Variants in PRKCE observed in about 807,000 individuals in gnomAD.
PRKCE encodes protein kinase C epsilon type.
A neutral mutation model predicts 85.4 loss-of-function variants in PRKCE; 16 were observed. The observed-to-expected ratio is 0.19, with a 90% CI of 0.13 to 0.28. The LOEUF is 0.28. PRKCE is among the 10% of genes least tolerant of loss of function. PRKCE has a pLI of 1.00. For missense variants in PRKCE, 573 were observed against 975.2 expected (o/e 0.59, Z 5.49); for synonymous variants, 388 against 371.5 (o/e 1.04, Z -0.51).
chr2:46,128,337 C>T (rs1313482436), intron 11 of PRKCE, among the ~76,000 whole-genome samples: 4 of 152,188 alleles, frequency 2.6e-5, no homozygotes, highest in African/African-American at 4.8e-5. Context: ...GGAAACTGCT[C>T]ATGAAGAGCA....
At chr2:45,910,283 T>G (rs1697289321) in intron 2 of PRKCE, among the ~76,000 whole-genome samples, 1 of 152,184 alleles carries the variant, frequency 6.6e-6, no homozygotes, top group South Asian at 2.1e-4. Context: ...TGAGTCCCAG[T>G]GGCTGTGTGC....
intron 6 of PRKCE, among the ~76,000 whole-genome samples, chr2:45,999,501 G>GT (rs1704494162): frequency 6.6e-6 from 1 of 151,568 alleles, no homozygotes; most frequent in Non-Finnish European, 1.5e-5. Context: ...TTCTTTCAGC[G>GT]TTTTTTAAAT....
At chr2:45,826,129 G>A (rs959816250) in intron 1 of PRKCE, among the ~76,000 whole-genome samples, 3 of 152,084 alleles carry the variant, frequency 2.0e-5, no homozygotes, top group East Asian at 1.9e-4. Context: ...TTCAGACACC[G>A]GAGCAGATCC....
At position 46,186,269 on chromosome 2, in the gene PRKCE, A is replaced by G. The variant is rs1325986496; in HGVS notation, c.*1388A>G. ...AATTTACTGAACTGATTTAGCAGGG[A>G]ATGGAATCCATTCCAACTATTGCAC... On this transcript the variant is annotated 3_prime_UTR_variant, in exon 15 of 15. Coordinates refer to ENST00000306156, the MANE Select transcript of PRKCE (RefSeq NM_005400.3). The G allele has an allele frequency of 6.6e-6, 1 of 152,624 alleles. No individual in the cohort carries two copies. Among genetic ancestry groups the G allele is most frequent in the Non-Finnish European group, 1.5e-5 (1 of 68,030 alleles). The allele number at this position is 152,624 out of a possible 1,614,324, so 9.5% of individuals were successfully genotyped here.
intron 1 of PRKCE, among the ~76,000 whole-genome samples, chr2:45,750,844 C>A (rs566307731): frequency 1.3e-5 from 2 of 152,294 alleles, no homozygotes; most frequent in East Asian, 3.9e-4. Context: ...AGGCCCCACA[C>A]CATTCACTGG....
chr2:45,826,371 A>G (rs935663), intron 1 of PRKCE, among the ~76,000 whole-genome samples: 95,070 of 152,120 alleles, frequency 0.62, 30,839 homozygotes, highest in African/African-American at 0.8. Context: ...CAAACAAATA[A>G]TATTTCTATA....
At chr2:45,888,257 G>C (rs573177077) in intron 2 of PRKCE, among the ~76,000 whole-genome samples, 1 of 152,254 alleles carries the variant, frequency 6.6e-6, no homozygotes, top group East Asian at 1.9e-4. Context: ...ACAGCCCAAG[G>C]AGTTCTGGAG....
Position 45,977,174 on chromosome 2 carries a change from G to A in PRKCE, c.572+586G>A, listed in dbSNP as rs943932165. Among the ~76,000 whole-genome samples, 7 of 152,118 alleles carry A rather than the reference G, an allele frequency of 4.6e-5. No homozygotes were observed. The East Asian group carries it at 1.3e-3, about 29-fold the overall frequency. ...TGCCCCCCAAAGTGCTGGGATTATA[G>A]ATGTGAGCCATTGTACCCAGCTGAT... On this transcript the variant is annotated intron_variant, in intron 3 of 14. Coordinates refer to ENST00000306156, the MANE Select transcript of PRKCE (RefSeq NM_005400.3).
At chr2:45,689,373 G>A (rs1023171943) in intron 1 of PRKCE, among the ~76,000 whole-genome samples, 1 of 152,124 alleles carries the variant, frequency 6.6e-6, no homozygotes, top group Non-Finnish European at 1.5e-5. Context: ...TGAACTGAAT[G>A]GCCAGGGGTC....
chr2:45,732,759 A>G (rs532997360), intron 1 of PRKCE, among the ~76,000 whole-genome samples: 13 of 152,282 alleles, frequency 8.5e-5, no homozygotes, highest in African/African-American at 2.4e-4. Flanking sequence ...CTCTTTCACT[A>G]TCTTTCTCAA....
intron 2 of PRKCE, among the ~76,000 whole-genome samples, chr2:45,966,923 A>G (rs979304663): frequency 3.3e-5 from 5 of 152,178 alleles, no homozygotes; most frequent in Admixed American, 3.3e-4. Context: ...CCAGGGAGAT[A>G]GAGAGATGCA....
chr2:45,713,310 C>A (rs1366404145), intron 1 of PRKCE, among the ~76,000 whole-genome samples: 3 of 152,134 alleles, frequency 2.0e-5, no homozygotes, highest in African/African-American at 4.8e-5. Flanking sequence ...AGAGCATATG[C>A]CTGAGGGTGG....
intron 1 of PRKCE, chr2:45,674,772 T>C (rs777621027): frequency 9.9e-5 from 15 of 152,206 alleles, no homozygotes; most frequent in Non-Finnish European, 1.6e-4. Flanking sequence ...TGGGCACTGC[T>C]TGAGGGAGAG....
chr2:45,787,841 A>G (rs1190549745), intron 1 of PRKCE, among the ~76,000 whole-genome samples: 1 of 152,142 alleles, frequency 6.6e-6, no homozygotes, highest in Non-Finnish European at 1.5e-5. Context: ...TCAGCAAGGA[A>G]TTGCAGGCCT....
chr2:45,875,917 A>G (rs1437047837), intron 2 of PRKCE, among the ~76,000 whole-genome samples: 2 of 152,208 alleles, frequency 1.3e-5, no homozygotes, highest in African/African-American at 4.8e-5. Flanking sequence ...AGAAAATGCT[A>G]AATAACTTTA....
At chr2:45,924,845 C>T (rs1203270322) in intron 2 of PRKCE, among the ~76,000 whole-genome samples, 2 of 152,146 alleles carry the variant, frequency 1.3e-5, no homozygotes, top group African/African-American at 4.8e-5. Flanking sequence ...AGGGCAGAAA[C>T]AATGGAAGGC....
In PRKCE at chr2:46,155,311, T is replaced by C. The variant is rs1677089959; in HGVS notation, c.1920+4082T>C. On this transcript the variant is annotated intron_variant, in intron 13 of 14. Coordinates refer to ENST00000306156, the MANE Select transcript of PRKCE (RefSeq NM_005400.3). The surrounding 1 kb of genome is among the most constrained non-coding windows in gnomAD (Gnocchi z 4.7). ...ACCTGGGTGCCTCTTGGGTGAATCT[T>C]TGATGGACCCCTTCAAGGAGCTCTT... Among the ~76,000 whole-genome samples, 1 of 152,234 alleles carries C rather than the reference T, an allele frequency of 6.6e-6. No homozygotes were observed. The highest frequency in any genetic ancestry group is 1.5e-5 in the Non-Finnish European group (1 of 68,032).
chr2:45,658,014 C>G (rs553633320), intron 1 of PRKCE, among the ~76,000 whole-genome samples: 14 of 152,316 alleles, frequency 9.2e-5, no homozygotes, highest in Middle Eastern at 3.4e-3. Context: ...GAGCACATCT[C>G]TATCTTCAGG....
At chr2:45,930,551 G>A (rs1394745692) in intron 2 of PRKCE, among the ~76,000 whole-genome samples, 1 of 152,220 alleles carries the variant, frequency 6.6e-6, no homozygotes, top group Non-Finnish European at 1.5e-5. Flanking sequence ...AGGGCTGTGG[G>A]TGTCCACCTT....
Sources: allele counts gnomAD v4.1 joint callset (sites outside exome capture counted in the v4.1 genomes callset), GRCh38; gene constraint gnomAD v4.1.1; non-coding constraint Gnocchi (gnomAD v3.1); transcripts MANE v1.5; gene names NCBI Gene and HGNC (gene_info 2026-07-23, HGNC 2026-07-21).